Variants in HDX observed in about 807,000 individuals in gnomAD.
HDX encodes chromosome X open reading frame 43.
HDX carries 19 observed loss-of-function variants against 45.2 expected under a neutral mutation model. The ratio of observed to expected loss-of-function variants is 0.42; its 90% CI spans 0.29 to 0.62. The LOEUF (loss-of-function observed/expected upper bound fraction) is 0.62, where lower values mean the gene tolerates loss of function less well. Among genes scored for constraint, HDX ranks in the 20% least tolerant of loss-of-function variants. HDX has a pLI of 0.20. For missense variants in HDX, 532 were observed against 493.9 expected, an observed-to-expected ratio of 1.08 and a Z score of -0.73; for synonymous variants, 188 against 172.8, an observed-to-expected ratio of 1.09 and a Z score of -0.69.
chrX:84,494,494 T>C (rs1015270538), intron 1 of HDX, among the ~76,000 whole-genome samples: 1 of 111,957 alleles, frequency 8.9e-6, no homozygotes, highest in Non-Finnish European at 1.9e-5. Context: ...ATCTTACAAC[T>C]CTCATTCCTG....
chrX:84,402,838 G>T (rs962003051), intron 5 of HDX, among the ~76,000 whole-genome samples: 19 of 110,817 alleles, frequency 1.7e-4, no homozygotes, highest in African/African-American at 6.2e-4. Flanking sequence ...TCAATAATTG[G>T]AATTTTTAGT....
intron 2 of HDX, among the ~76,000 whole-genome samples, chrX:84,487,351 T>G (rs932983114): frequency 8.9e-6 from 1 of 112,308 alleles, no homozygotes; most frequent in African/African-American, 3.2e-5. Context: ...TTGAGTATGT[T>G]TAAATTCTAT....
chrX:84,369,815 G>A (rs2037849964), intron 5 of HDX, among the ~76,000 whole-genome samples: 1 of 111,940 alleles, frequency 8.9e-6, no homozygotes, highest in African/African-American at 3.2e-5. Flanking sequence ...GTATTGAGTT[G>A]TAGGAGTTGT....
At chrX:84,434,717 T>A (rs1374694981) in intron 5 of HDX, among the ~76,000 whole-genome samples, 1 of 111,806 alleles carries the variant, frequency 8.9e-6, no homozygotes. Flanking sequence ...TCCACTTCGA[T>A]GTTTTGGTAT....
At chrX:84,383,888 CT>C (rs2147911845) in intron 5 of HDX, among the ~76,000 whole-genome samples, 1 of 111,514 alleles carries the variant, frequency 9.0e-6, no homozygotes, top group South Asian at 3.8e-4. Context: ...ATTTTGTTCC[CT>C]TTTATGCCTC....
intron 5 of HDX, among the ~76,000 whole-genome samples, chrX:84,365,586 A>C (rs776643598): frequency 9.0e-6 from 1 of 111,613 alleles, no homozygotes; most frequent in African/African-American, 3.3e-5. Flanking sequence ...CTAGCAGGGA[A>C]CTGAGGGACT....
At chrX:84,366,882 A>G (rs749028976) in intron 5 of HDX, among the ~76,000 whole-genome samples, 1 of 112,373 alleles carries the variant, frequency 8.9e-6, no homozygotes, top group African/African-American at 3.2e-5. Flanking sequence ...GTAAGACCTG[A>G]AACCATAAAA....
intron 1 of HDX, among the ~76,000 whole-genome samples, chrX:84,494,625 C>A (rs2040962865): frequency 9.0e-6 from 1 of 111,630 alleles, no homozygotes; most frequent in South Asian, 3.7e-4. Context: ...TAAACATACA[C>A]ATATATAGTG....
intron 3 of HDX, among the ~76,000 whole-genome samples, chrX:84,470,517 T>C: frequency 8.9e-6 from 1 of 111,773 alleles, no homozygotes; most frequent in Non-Finnish European, 1.9e-5. Context: ...AATTCTTTGT[T>C]ACAAGCTGCA....
intron 7 of HDX, among the ~76,000 whole-genome samples, chrX:84,342,858 T>A (rs1242527171): frequency 3.6e-5 from 4 of 110,895 alleles, no homozygotes; most frequent in African/African-American, 1.3e-4. Context: ...ACTTAAAAAT[T>A]ACAAAAGAAA....
intron 5 of HDX, among the ~76,000 whole-genome samples, chrX:84,399,040 C>A (rs2038633954): frequency 9.0e-6 from 1 of 111,419 alleles, no homozygotes; most frequent in Non-Finnish European, 1.9e-5. Context: ...AAACAACATA[C>A]CAGAATATCT....
At chrX:84,447,389 A>T (rs1426805751) in intron 4 of HDX, among the ~76,000 whole-genome samples, 1 of 111,703 alleles carries the variant, frequency 9.0e-6, no homozygotes, top group Non-Finnish European at 1.9e-5. Context: ...GGCCAGTGGG[A>T]GCTAAGAGCC....
At chrX:84,484,620 C>T (rs2040752594) in intron 2 of HDX, among the ~76,000 whole-genome samples, 1 of 111,933 alleles carries the variant, frequency 8.9e-6, no homozygotes, top group Non-Finnish European at 1.9e-5. Flanking sequence ...AGAGGTTGAA[C>T]TAATTTACTT....
At chrX:84,488,377 G>A (rs944300414) in intron 1 of HDX, among the ~76,000 whole-genome samples, 5 of 106,327 alleles carry the variant, frequency 4.7e-5, no homozygotes, top group African/African-American at 1.0e-4. Flanking sequence ...CCAGTTTTCC[G>A]TCTTTCTCAG....
intron 1 of HDX, among the ~76,000 whole-genome samples, chrX:84,488,554 T>C (rs913392972): frequency 2.7e-5 from 3 of 111,677 alleles, no homozygotes; most frequent in Admixed American, 9.5e-5. Flanking sequence ...TTTAATTGTA[T>C]AGTCTCTAGT....
At chrX:84,436,493 G>A (rs749616432) in intron 5 of HDX, among the ~76,000 whole-genome samples, 1 of 111,581 alleles carries the variant, frequency 9.0e-6, no homozygotes, top group Admixed American at 9.5e-5. Context: ...TACTGCCTTT[G>A]CTGTGACCCA....
rs754098982 is a variant in HDX at position 84,346,109 on chromosome X, C to CA, written c.1453-1653dup. ...TTTGCAGCACAAACTTAACACTGCT[C>CA]AAAAAAAGGATATTAATTTAAAATA... On this transcript the variant is annotated intron_variant, in intron 6 of 10. Transcript: ENST00000373177. Among the ~76,000 whole-genome samples the CA allele has an allele frequency of 2.6e-3, 281 of 110,126 alleles. 2 individuals are homozygous for CA. The highest frequency in any genetic ancestry group is 8.9e-3 in the African/African-American group (271 of 30,335).
rs1289700833 is a variant in HDX at position 84,469,412 on chromosome X, T to C, written c.311A>G (p.Asp104Gly). 8.3e-7 allele frequency: 1 copy of C among 1,210,860 alleles called. No homozygotes were observed. Among genetic ancestry groups the C allele is most frequent in the Admixed American group, 2.2e-5 (1 of 45,982 alleles). Residue 104 changes from aspartate to glycine, a missense_variant, in exon 4 of 11, where the codon GAT (aspartate) becomes GGT (glycine). Physicochemically the swap from Asp to Gly is moderately conservative, Grantham distance 94. This residue lies in a region of HDX where 376 missense variants were observed against 343.7 expected (regional missense o/e 1.09). Coordinates refer to ENST00000373177, the MANE Select transcript of HDX (RefSeq NM_001177479.2). The stretch of plus-strand genomic sequence containing the variant: ...ACTGTATATACCAGTTACAATGACA[T>C]CATTATTGGCAGATGTCCAAGAAGA... ...QQSSWTSANN[D>G]VIVTGIYSPA... is the part of the protein sequence containing the mutation.
intron 6 of HDX, among the ~76,000 whole-genome samples, chrX:84,359,930 A>C (rs1418216968): frequency 8.9e-6 from 1 of 112,433 alleles, no homozygotes; most frequent in Non-Finnish European, 1.9e-5. Flanking sequence ...AAATTGACAA[A>C]TGGGATCTAA....
Sources: gnomAD v4.1 joint callset for allele counts (sites outside exome capture counted in the v4.1 genomes callset) on GRCh38, gnomAD v4.1.1 for gene constraint, gnomAD v4.1.1 regional missense constraint, MANE v1.5 for transcripts, NCBI Gene and HGNC (gene_info 2026-07-23, HGNC 2026-07-21) for gene names.